GGA2: variants seen among roughly 807,000 people sequenced by gnomAD.
GGA2 encodes the protein golgi associated, gamma adaptin ear containing, ARF binding protein 2, also known as ADP-ribosylation factor-binding protein GGA2.
GGA2 carries 48 observed loss-of-function variants against 79.5 expected under a neutral mutation model. That is an observed-to-expected ratio of 0.60 (90% CI 0.48 to 0.77). GGA2 has a LOEUF of 0.77. GGA2 is among the 30% of genes least tolerant of loss of function. GGA2 has a pLI of 0.00. For synonymous variants in GGA2, 317 were observed against 302.0 expected (o/e 1.05, Z -0.51); for missense variants, 770 against 774.0 (o/e 0.99, Z 0.06).
At chr16:23,480,379 G>A in intron 10 of GGA2, 2 of 401,958 alleles carry the variant, frequency 5.0e-6, no homozygotes, top group Non-Finnish European at 9.1e-6. Context: ...GCTCCTGTAT[G>A]CAAGCATTTA....
chr16:23,465,546 TAA>T lies in GGA2; in HGVS notation c.*2042_*2043del, dbSNP rs1049655211. 3 of 631,150 alleles carry T rather than the reference TAA, an allele frequency of 4.8e-6. No individual in the cohort carries two copies. The highest frequency in any genetic ancestry group is 5.7e-6 in the Non-Finnish European group (2 of 350,738). The allele number at this position is 631,150 out of a possible 1,614,324, so 39.1% of individuals were successfully genotyped here. On this transcript the variant is annotated 3_prime_UTR_variant, in exon 17 of 17. Coordinates refer to ENST00000309859, the MANE Select transcript of GGA2 (RefSeq NM_015044.4). The stretch of plus-strand genomic sequence containing the variant: ...AGGGGAGAAAGCCTGTCTTTATGTA[TAA>T]GTCTCATTCACCCATTTTGACCAAA...
At chr16:23,505,424 G>A (rs532924591) in intron 1 of GGA2, among the ~76,000 whole-genome samples, 6 of 152,196 alleles carry the variant, frequency 3.9e-5, no homozygotes, top group East Asian at 1.9e-4. Context: ...CCCATACAAC[G>A]GGGCGTCTAA....
rs1212020213 is a variant in GGA2 at position 23,507,670 on chromosome 16, T to TGTGC, written c.91+2647_91+2650dup. 6.9e-5 allele frequency among the ~76,000 whole-genome samples: 9 copies of TGTGC among 130,340 alleles called. No individual in the cohort carries two copies. In the East Asian group the frequency reaches 1.8e-3, roughly 26 times the overall value. 85.5% of individuals were successfully genotyped at this position (130,340 alleles called of 152,430 possible). A position where few individuals can be genotyped will look rare whatever the true frequency, so the allele number is the denominator to read the frequency against. ...CACAAATTAGCCGGTTGTGGTGGCG[T>TGTGC]GTGCCCGTAATCCCAGCTACTTGGG... On this transcript the variant is annotated intron_variant, in intron 1 of 16. Transcript: ENST00000309859.
At chr16:23,479,941 C>T in intron 10 of GGA2, 54 bp from the exon 11 acceptor site, 6 of 1,581,502 alleles carry the variant, frequency 3.8e-6, no homozygotes, top group Non-Finnish European at 5.2e-6. Flanking sequence ...AGCAAAGTCT[C>T]CACATAAATC....
chr16:23,492,056 G>C (rs1964795774), intron 4 of GGA2, among the ~76,000 whole-genome samples: 3 of 152,122 alleles, frequency 2.0e-5, no homozygotes, highest in Non-Finnish European at 2.9e-5. Flanking sequence ...TACACCACTG[G>C]GGACAGTCAT....
chr16:23,494,067 T>A (rs1166247945), intron 3 of GGA2: 5 of 549,448 alleles, frequency 9.1e-6, no homozygotes, highest in African/African-American at 1.9e-5. Context: ...AAATAAAACC[T>A]TCCTTTCCTT....
chr16:23,498,636 G>T (rs1883839259), intron 1 of GGA2, among the ~76,000 whole-genome samples: 2 of 152,192 alleles, frequency 1.3e-5, no homozygotes, highest in Admixed American at 6.5e-5. Flanking sequence ...ATTTAAAGGG[G>T]AAGGGTCTAA....
upstream of GGA2, chr16:23,510,562 C>T (rs1485442886): frequency 1.3e-5 from 5 of 381,018 alleles, no homozygotes; most frequent in African/African-American, 2.1e-5. Context: ...GGCCCCCCCT[C>T]CACGCGGGAC....
intron 2 of GGA2, chr16:23,495,430 G>C (rs912116689): frequency 1.4e-5 from 4 of 281,244 alleles, no homozygotes; most frequent in African/African-American, 8.6e-5. Flanking sequence ...CAGGATTATA[G>C]GGGAAAATGA....
chr16:23,467,721 G>C, intron 16 of GGA2, 21 bp from the exon 17 acceptor site: 1 of 1,276,586 alleles, frequency 7.8e-7, no homozygotes, highest in Admixed American at 1.7e-5. Context: ...AGAGACAGAA[G>C]ATGTCAAATC....
At chr16:23,475,688 G>A (rs1449688053) in intron 13 of GGA2, among the ~76,000 whole-genome samples, 15 of 151,382 alleles carry the variant, frequency 9.9e-5, no homozygotes, top group Admixed American at 9.2e-4. Flanking sequence ...TGGATCATTT[G>A]AGGTCAGGAG....
chr16:23,482,870 C>T (rs1041754323), intron 9 of GGA2, 53 bp downstream of exon 9: 55 of 1,016,472 alleles, frequency 5.4e-5, no homozygotes, highest in Non-Finnish European at 6.3e-5. Context: ...CAGGAGGGAC[C>T]GAGTCTGTCT....
intron 8 of GGA2, 40 bp downstream of exon 8, chr16:23,485,975 T>C (rs754219820): frequency 5.0e-6 from 8 of 1,592,688 alleles, no homozygotes; most frequent in Admixed American, 1.8e-5. Context: ...AAACCCACTT[T>C]AGTAAACATG....
In GGA2 at chr16:23,478,329, G is replaced by A. The variant is rs186838541; in HGVS notation, c.1292+39C>T. On this transcript the variant is annotated intron_variant, in intron 13 of 16. Transcript: ENST00000309859. ...TCCCATGAGAAGGAACCGCACTCAG[G>A]AGCCACACTCTCCCACTCCCCTTGC... 39 of 1,524,624 alleles carry A rather than the reference G, an allele frequency of 2.6e-5. No individual in the cohort carries two copies. In the East Asian group the frequency reaches 8.6e-4, roughly 34 times the overall value. 94.4% of individuals were successfully genotyped at this position (1,524,624 alleles called of 1,614,324 possible). A position where few individuals can be genotyped will look rare whatever the true frequency, so the allele number is the denominator to read the frequency against.
chr16:23,492,762 G>C (rs2142132583), intron 4 of GGA2, among the ~76,000 whole-genome samples: 1 of 152,330 alleles, frequency 6.6e-6, no homozygotes, highest in East Asian at 1.9e-4. Context: ...TCTGCAGCTG[G>C]GGATGCAGAA....
At position 23,466,608 on chromosome 16, in the gene GGA2, T is replaced by G. The variant is rs991239520; in HGVS notation, c.*982A>C. The stretch of plus-strand genomic sequence containing the variant: ...CACAAAGTACACTTGCTACATGGTA[T>G]TTATTCAATGACTGTATATTTAGTC... On this transcript the variant is annotated 3_prime_UTR_variant, in exon 17 of 17. Transcript: ENST00000309859. 6.6e-6 allele frequency: 1 copy of G among 152,244 alleles called. No individual in the cohort carries two copies. Among genetic ancestry groups the G allele is most frequent in the Non-Finnish European group, 1.5e-5 (1 of 68,054 alleles). The allele number at this position is 152,244 out of a possible 1,614,324, so 9.4% of individuals were successfully genotyped here.
intron 13 of GGA2, 97 bp from the exon 14 acceptor site, chr16:23,475,158 A>G: frequency 1.6e-6 from 1 of 624,362 alleles, no homozygotes; most frequent in Non-Finnish European, 2.8e-6. Flanking sequence ...AAAATAACAC[A>G]CACACACACA....
chr16:23,480,219 G>GA (rs968847704), intron 10 of GGA2: 1 of 343,428 alleles, frequency 2.9e-6, no homozygotes, highest in African/African-American at 2.1e-5. Flanking sequence ...CACAGTGCTT[G>GA]AAAGACGCAC....
chr16:23,470,825 CTTTTTT>C (rs36067397), intron 14 of GGA2, among the ~76,000 whole-genome samples: 5 of 56,110 alleles, frequency 8.9e-5, no homozygotes, highest in African/African-American at 1.5e-4. Context: ...GAAATAAATG[CTTTTTT>C]TTTTTTTTTT....
Sources: allele counts gnomAD v4.1 joint callset (sites outside exome capture counted in the v4.1 genomes callset), GRCh38; gene constraint gnomAD v4.1.1; transcripts MANE v1.5; gene names NCBI Gene and HGNC (gene_info 2026-07-23, HGNC 2026-07-21).